The following NCAPD3 variants were observed in gnomAD, a reference collection of about 807,000 sequenced individuals.
NCAPD3 encodes condensin-2 complex subunit D3.
In NCAPD3, 105 loss-of-function variants were observed where a neutral mutation model predicts 182.9. The observed-to-expected ratio is 0.57, with a 90% CI of 0.49 to 0.68. The LOEUF (loss-of-function observed/expected upper bound fraction) is 0.68, where lower values mean the gene tolerates loss of function less well. NCAPD3 is among the 30% of genes least tolerant of loss of function. The probability of loss-of-function intolerance (pLI) is 0.00; values close to 1 mark genes in which losing one functional copy is unlikely to be tolerated. For missense variants in NCAPD3, 1,944 were observed against 1,837.0 expected, an observed-to-expected ratio of 1.06 and a Z score of -1.07; for synonymous variants, 815 against 679.9, an observed-to-expected ratio of 1.20 and a Z score of -3.09.
At chr11:134,217,320 A>G (rs1370649799) in intron 2 of NCAPD3, among the ~76,000 whole-genome samples, 1 of 152,234 alleles carries the variant, frequency 6.6e-6, no homozygotes, top group Non-Finnish European at 1.5e-5. Flanking sequence ...TAACATATTT[A>G]AATAATTAAA....
At position 134,157,910 on chromosome 11, in the gene NCAPD3, A is replaced by G; in HGVS notation, c.4174+18T>C. The G allele has an allele frequency of 1.9e-6, 3 of 1,607,636 alleles. No individual in the cohort carries two copies. Among genetic ancestry groups the G allele is most frequent in the Non-Finnish European group, 2.6e-6 (3 of 1,176,034 alleles). ...CTGTAAATGCTCTACTGTGTCTGGC[A>G]CCAAACATAAGGCTTACCCTGACTG... On this transcript the variant is annotated intron_variant, in intron 31 of 34. Coordinates refer to ENST00000534548, the MANE Select transcript of NCAPD3 (RefSeq NM_015261.3).
At chr11:134,210,177 T>C in intron 4 of NCAPD3, 93 bp downstream of exon 4, 4 of 1,109,634 alleles carry the variant, frequency 3.6e-6, no homozygotes, top group East Asian at 4.7e-5. Context: ...CCTATAATCA[T>C]GATGCCTGAA....
chr11:134,174,382 C>CAAAAAAAAAAAAAAAAAAA (rs34533048), intron 24 of NCAPD3, among the ~76,000 whole-genome samples: 9 of 53,618 alleles, frequency 1.7e-4, no homozygotes, highest in Admixed American at 2.7e-4. Flanking sequence ...GACCCTGTCT[C>CAAAAAAAAAAAAAAAAAAA]AAAAAAAAAA....
chr11:134,156,419 A>G (rs1430838497), intron 32 of NCAPD3, among the ~76,000 whole-genome samples: 1 of 152,210 alleles, frequency 6.6e-6, no homozygotes, highest in Non-Finnish European at 1.5e-5. Flanking sequence ...TTTTCTCAAA[A>G]TAATGGTTTT....
At chr11:134,220,441 A>G in intron 2 of NCAPD3, 131 bp downstream of exon 2, 1 of 795,328 alleles carries the variant, frequency 1.3e-6, no homozygotes, top group Non-Finnish European at 1.9e-6. Context: ...AATTAACCAC[A>G]TTCTTTATGT....
At chr11:134,196,042 C>T (rs929726684) in intron 13 of NCAPD3, among the ~76,000 whole-genome samples, 5 of 152,060 alleles carry the variant, frequency 3.3e-5, no homozygotes, top group African/African-American at 1.2e-4. Context: ...AGAGAAAAAT[C>T]AATGAAACTA....
intron 1 of NCAPD3, chr11:134,223,178 G>A (rs1193488857): frequency 3.7e-6 from 2 of 545,534 alleles, no homozygotes; most frequent in East Asian, 5.8e-5. Flanking sequence ...CACATTCAAA[G>A]CTGTGTTTTC....
At chr11:134,211,953 A>T (rs1285493583) in intron 3 of NCAPD3, among the ~76,000 whole-genome samples, 1 of 152,178 alleles carries the variant, frequency 6.6e-6, no homozygotes, top group African/African-American at 2.4e-5. Context: ...TCACTAAAAA[A>T]TTTCCAAGTT....
chr11:134,212,726 T>A (rs1937883357), intron 3 of NCAPD3, among the ~76,000 whole-genome samples: 1 of 152,010 alleles, frequency 6.6e-6, no homozygotes, highest in African/African-American at 2.4e-5. Context: ...TGTTCTTACA[T>A]CATATATAAA....
chr11:134,208,450 G>A (rs1040397498), intron 7 of NCAPD3, among the ~76,000 whole-genome samples: 3 of 152,066 alleles, frequency 2.0e-5, no homozygotes, highest in Admixed American at 6.6e-5. Flanking sequence ...ATACTGAAGC[G>A]CACATGAATT....
At chr11:134,177,613 A>AC in intron 22 of NCAPD3, 156 bp from the exon 23 acceptor site, 1 of 638,290 alleles carries the variant, frequency 1.6e-6, no homozygotes, top group Admixed American at 2.8e-5. Flanking sequence ...AGGCAGACAG[A>AC]CCCATCTTGA....
chr11:134,224,349 C>CG (rs1025044353), upstream of NCAPD3: 43 of 271,126 alleles, frequency 1.6e-4, no homozygotes, highest in Middle Eastern at 2.6e-3. Context: ...CGTCAGCACT[C>CG]GAACAGCGTA....
At chr11:134,183,216 G>T (rs1944333105) in intron 19 of NCAPD3, 1 of 454,666 alleles carries the variant, frequency 2.2e-6, no homozygotes, top group South Asian at 1.6e-5. Context: ...TCTGCCGGTA[G>T]TAAGTTGTGT....
intron 24 of NCAPD3, among the ~76,000 whole-genome samples, chr11:134,172,560 C>T (rs1403722829): frequency 6.6e-6 from 1 of 152,176 alleles, no homozygotes; most frequent in East Asian, 1.9e-4. Flanking sequence ...GCTGTCCTGC[C>T]TTGAGCTTCT....
chr11:134,165,932 A>T (rs1362261705), intron 27 of NCAPD3, among the ~76,000 whole-genome samples: 10 of 75,456 alleles, frequency 1.3e-4, no homozygotes, highest in East Asian at 4.8e-4. Flanking sequence ...TTGGGGGAGC[A>T]GCACACTCAC....
At chr11:134,219,661 T>C (rs1938156096) in intron 2 of NCAPD3, among the ~76,000 whole-genome samples, 2 of 152,240 alleles carry the variant, frequency 1.3e-5, no homozygotes, top group African/African-American at 4.8e-5. Flanking sequence ...CCCAACCCTT[T>C]GGTTTTTTTT....
chr11:134,196,257 AT>A (rs1245399941), intron 13 of NCAPD3, among the ~76,000 whole-genome samples: 1 of 152,062 alleles, frequency 6.6e-6, no homozygotes, highest in East Asian at 1.9e-4. Context: ...AAAGAAACAA[AT>A]TTTTAGAACG....
chr11:134,164,419 G>A (rs932207763), intron 27 of NCAPD3, among the ~76,000 whole-genome samples: 5 of 152,238 alleles, frequency 3.3e-5, no homozygotes, highest in African/African-American at 7.2e-5. Flanking sequence ...GTGGGAAACA[G>A]GTTTGAGAAT....
chr11:134,208,938 C>T lies in NCAPD3; in HGVS notation c.808G>A (p.Ala270Thr), dbSNP rs774387026. The T allele has an allele frequency of 1.2e-6, 2 of 1,608,070 alleles. No homozygotes were observed. Among genetic ancestry groups the T allele is most frequent in the Non-Finnish European group, 1.7e-6 (2 of 1,177,724 alleles). The change falls in exon 7 of 35, where the codon GCA (alanine) becomes ACA (threonine). Residue 270 changes from alanine (A) to threonine (T), a missense_variant. Physicochemically the swap from Ala to Thr is moderately conservative, Grantham distance 58. Coordinates refer to ENST00000534548, the MANE Select transcript of NCAPD3 (RefSeq NM_015261.3). ...TAAGCCAGTTCTGGTATGTATTTTG[C>T]TTGGTTAAGAGCTCTAAAAAAAAAA... The part of the protein sequence containing the change: ...HVTQARALNQ[A>T]KYIPELAYYG...
Sources: gnomAD v4.1 joint callset for allele counts (sites outside exome capture counted in the v4.1 genomes callset) on GRCh38, gnomAD v4.1.1 for gene constraint, MANE v1.5 for transcripts, NCBI Gene and HGNC (gene_info 2026-07-23, HGNC 2026-07-21) for gene names.